ITIH5: variants seen among roughly 807,000 people sequenced by gnomAD.
ITIH5 encodes the protein inter-alpha-trypsin inhibitor heavy chain 5, also known as inter-alpha-trypsin inhibitor heavy chain H5.
A neutral mutation model predicts 77.5 loss-of-function variants in ITIH5; 65 were observed. The observed-to-expected ratio is 0.84, with a 90% CI of 0.69 to 1.03. The LOEUF (loss-of-function observed/expected upper bound fraction) is 1.03, where lower values mean the gene tolerates loss of function less well. Ranked by LOEUF, ITIH5 falls within the 50% of genes least tolerant of loss-of-function variation. ITIH5 has a pLI of 0.00. For synonymous variants in ITIH5, 525 were observed against 494.3 expected, an observed-to-expected ratio of 1.06 and a Z score of -0.82; for missense variants, 1,208 against 1,213.1, an observed-to-expected ratio of 1.00 and a Z score of 0.06.
Position 7,576,847 on chromosome 10 carries a change from C to A in ITIH5, c.1584G>T (p.Val528=). Reference sequence around the variant, plus strand: ...TCTTACTGTTGCTGGCGGTGACCTCCACGTGCAGGTGATCCAGCTTCCTGT... The same window carrying A: ...TCTTACTGTTGCTGGCGGTGACCTCAACGTGCAGGTGATCCAGCTTCCTGT... ...LVDRKLDHLH[V]EVTASNSKKF... The change falls in exon 10 of 14, where the codon GTG becomes GTT. Residue 528 remains valine, a synonymous_variant. Transcript: ENST00000397146. 6.2e-7 allele frequency: 1 copy of A among 1,614,202 alleles called. No individual in the cohort carries two copies.
chr10:7,629,521 G>C (rs769505347), intron 5 of ITIH5, among the ~76,000 whole-genome samples: 2 of 87,240 alleles, frequency 2.3e-5, no homozygotes, highest in Non-Finnish European at 4.7e-5. Flanking sequence ...GCGTGTGTCC[G>C]TGTTGCAGCG....
intron 8 of ITIH5, among the ~76,000 whole-genome samples, chr10:7,585,140 G>C (rs191434812): frequency 1.3e-5 from 2 of 152,326 alleles, no homozygotes; most frequent in Admixed American, 1.3e-4. Flanking sequence ...GAAAGGAAGG[G>C]GGAGGGAGTA....
chr10:7,576,626 C>T lies in ITIH5; in HGVS notation c.1805G>A (p.Arg602Gln), dbSNP rs372275574. 2.2e-5 allele frequency: 35 copies of T among 1,614,154 alleles called. No individual in the cohort carries two copies. The African/African-American group carries it at 3.2e-4, about 15-fold the overall frequency. The change falls in exon 10 of 14, where the codon CGG becomes CAG. Residue 602 changes from arginine to glutamine, a missense_variant. Physicochemically the swap from Arg to Gln is conservative, Grantham distance 43. Transcript: ENST00000397146. The part of the protein sequence containing the change: ...SDDEPEKERL[R>Q]QRAQALAVSY... ...CACAGCCAGGGCCTGGGCCCGCTGC[C>T]GCAGCCGCTCCTTCTCCGGTTCATC...
At chr10:7,644,954 C>CATAT (rs372184238) in intron 2 of ITIH5, among the ~76,000 whole-genome samples, 600 of 10,428 alleles carry the variant, frequency 0.058, 40 homozygotes, top group African/African-American at 0.16. Flanking sequence ...ATATATATCA[C>CATAT]ACATATATAT....
intron 7 of ITIH5, chr10:7,600,556 A>G: frequency 2.2e-6 from 1 of 456,700 alleles, no homozygotes; most frequent in South Asian, 1.5e-5. Context: ...CTTTCCAGTT[A>G]CACGTGCACC....
chr10:7,613,933 G>C (rs949358865), intron 7 of ITIH5, among the ~76,000 whole-genome samples: 2 of 152,144 alleles, frequency 1.3e-5, no homozygotes, highest in African/African-American at 4.8e-5. Context: ...AGTAATCCCA[G>C]ATTTTTATTC....
At chr10:7,636,401 T>C (rs150328716) in intron 5 of ITIH5, among the ~76,000 whole-genome samples, 43 of 152,318 alleles carry the variant, frequency 2.8e-4, no homozygotes, top group Middle Eastern at 6.8e-3. Context: ...AACAGATTTT[T>C]AGAAAATGGC....
chr10:7,640,148 C>CA (rs56939703), intron 4 of ITIH5, among the ~76,000 whole-genome samples: 4,038 of 80,130 alleles, frequency 0.05, 301 homozygotes, highest in African/African-American at 0.17. Flanking sequence ...GGGGTAACTA[C>CA]AAAAAAAAAA....
chr10:7,624,162 G>A (rs886795712), intron 5 of ITIH5, among the ~76,000 whole-genome samples: 3 of 152,116 alleles, frequency 2.0e-5, no homozygotes, highest in African/African-American at 4.8e-5. Flanking sequence ...GTGAAAACAA[G>A]TACAACTACC....
rs559738942 is a variant in ITIH5, at chr10:7,652,447, G to T, written c.135+3184C>A. On this transcript the variant is annotated intron_variant, in intron 2 of 13. Transcript: ENST00000397146. ...ATCCCACGGGTGATGTGGAGTCACT[G>T]AAGACATGCACGCAAGAGAGTGATG... Among the ~76,000 whole-genome samples the T allele has an allele frequency of 4.1e-4, 63 of 152,276 alleles. 3 individuals are homozygous for T. Among genetic ancestry groups the T allele is most frequent in the Admixed American group, 4.0e-3 (61 of 15,300 alleles).
At chr10:7,657,252 T>A (rs1834203525) in intron 1 of ITIH5, among the ~76,000 whole-genome samples, 1 of 151,746 alleles carries the variant, frequency 6.6e-6, no homozygotes, top group South Asian at 2.1e-4. Context: ...TTTCACCATG[T>A]TGGCCAGCAT....
At chr10:7,663,621 T>A (rs1449883845) in intron 1 of ITIH5, among the ~76,000 whole-genome samples, 6 of 152,182 alleles carry the variant, frequency 3.9e-5, no homozygotes, top group Admixed American at 1.3e-4. Flanking sequence ...CTTTTTTCCT[T>A]CAAGAGGGTC....
At chr10:7,594,792 G>C (rs538401253) in intron 7 of ITIH5, among the ~76,000 whole-genome samples, 1 of 152,196 alleles carries the variant, frequency 6.6e-6, no homozygotes, top group Non-Finnish European at 1.5e-5. Flanking sequence ...CCAGTGGGGA[G>C]GAATTAGCAA....
chr10:7,572,416 A>G (rs552380877), intron 11 of ITIH5: 17 of 1,361,868 alleles, frequency 1.2e-5, no homozygotes, highest in Middle Eastern at 2.1e-4. Context: ...AAATGAAAAC[A>G]AAAACAAAGC....
chr10:7,587,210 A>G (rs1338735202), intron 7 of ITIH5, among the ~76,000 whole-genome samples: 1 of 152,188 alleles, frequency 6.6e-6, no homozygotes, highest in Non-Finnish European at 1.5e-5. Flanking sequence ...ATGCTCAGTG[A>G]TAACAGGTAT....
At chr10:7,627,827 C>CTTTTTTTTTTTTTTTTTT (rs869139058) in intron 5 of ITIH5, among the ~76,000 whole-genome samples, 1 of 90,838 alleles carries the variant, frequency 1.1e-5, no homozygotes, top group African/African-American at 4.9e-5. Context: ...TGAAATTAAC[C>CTTTTTTTTTTTTTTTTTT]TTTTTTTTTT....
intron 2 of ITIH5, among the ~76,000 whole-genome samples, chr10:7,644,603 T>C (rs1424548660): frequency 9.2e-6 from 1 of 108,222 alleles, no homozygotes; most frequent in Non-Finnish European, 1.9e-5. Context: ...ATCATACATA[T>C]CACATATATC....
intron 7 of ITIH5, among the ~76,000 whole-genome samples, chr10:7,603,011 C>T (rs1833046381): frequency 6.6e-6 from 1 of 152,142 alleles, no homozygotes. Flanking sequence ...TACATTCCTA[C>T]AGCACTTCCA....
At chr10:7,663,054 A>G (rs1834304658) in intron 1 of ITIH5, among the ~76,000 whole-genome samples, 1 of 152,224 alleles carries the variant, frequency 6.6e-6, no homozygotes, top group Non-Finnish European at 1.5e-5. Context: ...CACATCACCT[A>G]TGTGCCATGA....
Sources: gnomAD v4.1 joint callset for allele counts (sites outside exome capture counted in the v4.1 genomes callset) on GRCh38, gnomAD v4.1.1 for gene constraint, MANE v1.5 for transcripts, NCBI Gene and HGNC (gene_info 2026-07-23, HGNC 2026-07-21) for gene names.